The following DLG2 variants were observed in gnomAD, a reference collection of about 807,000 sequenced individuals.
DLG2 encodes the protein discs large MAGUK scaffold protein 2, also known as disks large homolog 2.
A neutral mutation model predicts 132.5 loss-of-function variants in DLG2; 45 were observed. The ratio of observed to expected loss-of-function variants is 0.34; its 90% CI spans 0.27 to 0.44. The LOEUF is 0.44. Among genes scored for constraint, DLG2 ranks in the 20% least tolerant of loss-of-function variants. The pLI is 1.00. For missense variants in DLG2, 1,045 were observed against 1,196.9 expected (o/e 0.87, Z 1.87); for synonymous variants, 424 against 419.6 (o/e 1.01, Z -0.13).
intron 18 of DLG2, among the ~76,000 whole-genome samples, chr11:83,759,684 C>T (rs1004612872): frequency 4.6e-5 from 7 of 152,060 alleles, no homozygotes; most frequent in Admixed American, 2.6e-4. Context: ...AATCACAGAA[C>T]GTTAGATGAG....
At chr11:84,518,921 C>T (rs2099283382) in intron 7 of DLG2, among the ~76,000 whole-genome samples, 1 of 152,108 alleles carries the variant, frequency 6.6e-6, no homozygotes, top group African/African-American at 2.4e-5. Flanking sequence ...GACATTAATA[C>T]TCAGACACAT....
chr11:85,414,844 T>C (rs983426777), intron 3 of DLG2, among the ~76,000 whole-genome samples: 2 of 151,944 alleles, frequency 1.3e-5, no homozygotes, highest in African/African-American at 2.4e-5. Flanking sequence ...TTTATCATTA[T>C]ATAATGTCCC....
intron 3 of DLG2, among the ~76,000 whole-genome samples, chr11:85,300,151 A>G (rs2152790170): frequency 6.6e-6 from 1 of 152,334 alleles, no homozygotes; most frequent in East Asian, 1.9e-4. Context: ...GTCTAGTAGA[A>G]AAAAAGAAGA....
intron 4 of DLG2, among the ~76,000 whole-genome samples, chr11:85,174,578 AC>A (rs1434953112): frequency 1.3e-5 from 2 of 152,192 alleles, no homozygotes; most frequent in Non-Finnish European, 2.9e-5. Context: ...GAGAAAATGA[AC>A]CCCAAAGTTA....
intron 6 of DLG2, among the ~76,000 whole-genome samples, chr11:84,585,289 T>C (rs958015349): frequency 6.6e-6 from 1 of 152,178 alleles, no homozygotes; most frequent in Non-Finnish European, 1.5e-5. Context: ...AATAAGGAAA[T>C]TGAGGCATGA....
chr11:84,876,740 G>T (rs1357050610), intron 6 of DLG2, among the ~76,000 whole-genome samples: 11 of 151,974 alleles, frequency 7.2e-5, no homozygotes, highest in Admixed American at 7.2e-4. Flanking sequence ...GAATTTGTTT[G>T]CTCTTGCTTC....
At chr11:83,471,032 T>C (rs2091958668) in intron 24 of DLG2, among the ~76,000 whole-genome samples, 1 of 147,984 alleles carries the variant, frequency 6.8e-6, no homozygotes, top group Admixed American at 6.8e-5. Context: ...TAGAATCTAA[T>C]AAGGCTACAA....
intron 6 of DLG2, among the ~76,000 whole-genome samples, chr11:84,795,426 C>T (rs1359837374): frequency 1.3e-5 from 2 of 152,148 alleles, no homozygotes; most frequent in Non-Finnish European, 2.9e-5. Flanking sequence ...GGGAGCTACC[C>T]ACTGTGGGTT....
chr11:84,371,770 T>C (rs1189231255), intron 7 of DLG2, among the ~76,000 whole-genome samples: 1 of 152,200 alleles, frequency 6.6e-6, no homozygotes, highest in Non-Finnish European at 1.5e-5. Flanking sequence ...TTTCTACTTT[T>C]AGAAAACTTT....
chr11:83,899,661 C>T (rs1344901357), intron 15 of DLG2, among the ~76,000 whole-genome samples: 1 of 143,820 alleles, frequency 7.0e-6, no homozygotes, highest in Non-Finnish European at 1.5e-5. Flanking sequence ...GTGCCTTTCA[C>T]CTTCTGCCAT....
chr11:83,705,542 T>C (rs1464981434), intron 18 of DLG2, among the ~76,000 whole-genome samples: 2 of 152,182 alleles, frequency 1.3e-5, no homozygotes, highest in African/African-American at 4.8e-5. Context: ...AGATCTGTTA[T>C]TGTGATAATA....
chr11:83,984,845 A>T (rs552396136), intron 11 of DLG2, among the ~76,000 whole-genome samples: 1 of 152,236 alleles, frequency 6.6e-6, no homozygotes, highest in South Asian at 2.1e-4. Flanking sequence ...GAACATTTTA[A>T]TTCTACTCTT....
At chr11:85,606,404 T>C (rs1294543971) in intron 2 of DLG2, among the ~76,000 whole-genome samples, 2 of 152,156 alleles carry the variant, frequency 1.3e-5, no homozygotes, top group African/African-American at 4.8e-5. Flanking sequence ...GGATTGTAAA[T>C]GCACCAATCA....
At chr11:84,081,674 T>A (rs988444375) in intron 10 of DLG2, among the ~76,000 whole-genome samples, 1 of 152,234 alleles carries the variant, frequency 6.6e-6, no homozygotes, top group African/African-American at 2.4e-5. Context: ...CTGCATAGTA[T>A]TCCATGGTGT....
At chr11:85,522,554 G>A (rs148327970) in intron 3 of DLG2, among the ~76,000 whole-genome samples, 141 of 152,298 alleles carry the variant, frequency 9.3e-4, no homozygotes, top group African/African-American at 3.2e-3. Flanking sequence ...AAAAGCCACA[G>A]ACACTCAATG....
At chr11:84,971,329 T>C (rs75439622) in intron 6 of DLG2, among the ~76,000 whole-genome samples, 2,088 of 152,310 alleles carry the variant, frequency 0.014, 47 homozygotes, top group African/African-American at 0.047. Flanking sequence ...ATAAAGGAGA[T>C]ATAGACATAA....
chr11:85,271,994 G>C (rs1381883968), intron 4 of DLG2, among the ~76,000 whole-genome samples: 1 of 152,112 alleles, frequency 6.6e-6, no homozygotes, highest in Non-Finnish European at 1.5e-5. Flanking sequence ...AATTTGAGAG[G>C]GGCCAGGTGT....
At chr11:83,606,587 A>G (rs1034813300) in intron 19 of DLG2, among the ~76,000 whole-genome samples, 3 of 151,976 alleles carry the variant, frequency 2.0e-5, no homozygotes, top group Non-Finnish European at 4.4e-5. Context: ...ACCTCTGTTT[A>G]AAGGAATAGA....
intron 2 of DLG2, among the ~76,000 whole-genome samples, chr11:85,619,763 G>A (rs2081575864): frequency 1.3e-5 from 2 of 152,246 alleles, no homozygotes; most frequent in African/African-American, 2.4e-5. Flanking sequence ...GAACCCAGGA[G>A]GTGGAGGTTG....
Sources: gnomAD v4.1 joint callset for allele counts (sites outside exome capture counted in the v4.1 genomes callset) on GRCh38, gnomAD v4.1.1 for gene constraint, MANE v1.5 for transcripts, NCBI Gene and HGNC (gene_info 2026-07-23, HGNC 2026-07-21) for gene names.